Variants in TBC1D22A observed in about 807,000 individuals in gnomAD.
The protein encoded by TBC1D22A is putative GTPase activator.
In TBC1D22A, 38 loss-of-function variants were observed where a neutral mutation model predicts 60.2. The ratio of observed to expected loss-of-function variants is 0.63; its 90% confidence interval spans 0.49 to 0.83. The LOEUF is 0.83. Ranked by LOEUF, TBC1D22A falls within the 40% of genes least tolerant of loss-of-function variation. The probability of loss-of-function intolerance (pLI) is 0.00; values close to 1 mark genes in which losing one functional copy is unlikely to be tolerated. For synonymous variants in TBC1D22A, 302 were observed against 281.7 expected (o/e 1.07, Z -0.72); for missense variants, 628 against 701.0 (o/e 0.90, Z 1.18).
chr22:47,021,498 C>T (rs2062086752), intron 10 of TBC1D22A, among the ~76,000 whole-genome samples: 1 of 151,414 alleles, frequency 6.6e-6, no homozygotes, highest in African/African-American at 2.4e-5. Flanking sequence ...TCACCTGTCA[C>T]CTGTCACCTG....
chr22:47,022,563 C>A (rs8138096), intron 10 of TBC1D22A, among the ~76,000 whole-genome samples: 48,154 of 136,584 alleles, frequency 0.35, 7,883 homozygotes, highest in African/African-American at 0.52. Flanking sequence ...AAAAAAAAAA[C>A]ACCAAAACAA....
intron 8 of TBC1D22A, among the ~76,000 whole-genome samples, chr22:46,933,713 G>T (rs925679513): frequency 5.9e-5 from 9 of 152,270 alleles, no homozygotes; most frequent in African/African-American, 1.7e-4. Flanking sequence ...CACTGCCCGG[G>T]GCGGGTGTTG....
At chr22:47,044,012 C>T (rs896775637) in intron 11 of TBC1D22A, among the ~76,000 whole-genome samples, 7 of 27,934 alleles carry the variant, frequency 2.5e-4, no homozygotes, top group East Asian at 0.015. Flanking sequence ...GGCAGGGCTC[C>T]GCCTTTTACC....
chr22:46,792,672 T>G, intron 2 of TBC1D22A, 96 bp downstream of exon 2: 1 of 1,610,540 alleles, frequency 6.2e-7, no homozygotes, highest in South Asian at 1.1e-5. Flanking sequence ...TCCCAGGCAT[T>G]CCTCAGGGAG....
chr22:46,904,594 G>C, intron 7 of TBC1D22A, among the ~76,000 whole-genome samples: 1 of 151,424 alleles, frequency 6.6e-6, no homozygotes, highest in Middle Eastern at 3.2e-3. Context: ...TCAGGCTCCC[G>C]AGTAGCTGGG....
At chr22:47,088,026 T>C (rs1382518874) in intron 11 of TBC1D22A, among the ~76,000 whole-genome samples, 2 of 152,066 alleles carry the variant, frequency 1.3e-5, no homozygotes, top group Non-Finnish European at 2.9e-5. Flanking sequence ...TGAGCCAAGA[T>C]TGCGCCACTG....
intron 11 of TBC1D22A, among the ~76,000 whole-genome samples, chr22:47,094,100 G>A (rs1026526678): frequency 6.6e-6 from 1 of 152,156 alleles, no homozygotes; most frequent in Non-Finnish European, 1.5e-5. Flanking sequence ...GCTATAAGCT[G>A]GTAGTTTCAG....
intron 12 of TBC1D22A, among the ~76,000 whole-genome samples, chr22:47,170,671 T>TGTGGG (rs2068400421): frequency 6.7e-6 from 1 of 149,288 alleles, no homozygotes; most frequent in Admixed American, 6.7e-5. Flanking sequence ...ACCCTCCTGA[T>TGTGGG]GCAGGACCAG....
At chr22:47,068,474 C>T (rs751487306) in intron 11 of TBC1D22A, among the ~76,000 whole-genome samples, 3 of 152,328 alleles carry the variant, frequency 2.0e-5, no homozygotes, top group East Asian at 1.9e-4. Flanking sequence ...TTTGATGTTA[C>T]GACTTGCAGC....
At chr22:46,953,593 AC>A (rs2073032989) in intron 8 of TBC1D22A, among the ~76,000 whole-genome samples, 1 of 152,158 alleles carries the variant, frequency 6.6e-6, no homozygotes, top group Non-Finnish European at 1.5e-5. Flanking sequence ...GTCTGAAAAA[AC>A]ATTTCACTTT....
intron 11 of TBC1D22A, among the ~76,000 whole-genome samples, chr22:47,105,260 G>A (rs1385740518): frequency 1.1e-4 from 17 of 152,088 alleles, no homozygotes; most frequent in Admixed American, 9.8e-4. Flanking sequence ...ATAGGGCAGA[G>A]CCTCCTCTTT....
chr22:47,138,021 G>C (rs941788712), intron 12 of TBC1D22A, among the ~76,000 whole-genome samples: 1 of 152,144 alleles, frequency 6.6e-6, no homozygotes, highest in Non-Finnish European at 1.5e-5. Context: ...AAACACAGGT[G>C]CTCTGTGGAG....
intron 8 of TBC1D22A, among the ~76,000 whole-genome samples, chr22:46,937,417 C>T (rs2071720409): frequency 6.6e-6 from 1 of 152,180 alleles, no homozygotes; most frequent in Non-Finnish European, 1.5e-5. Context: ...GTCTTAGCAG[C>T]ATGCATTAAC....
intron 12 of TBC1D22A, among the ~76,000 whole-genome samples, chr22:47,173,160 G>A (rs577476054): frequency 5.3e-5 from 8 of 152,338 alleles, no homozygotes; most frequent in Admixed American, 2.6e-4. Context: ...CCCCTGCCAC[G>A]ACATCTCAGA....
At chr22:46,971,055 C>A (rs1016927682) in intron 8 of TBC1D22A, among the ~76,000 whole-genome samples, 1 of 152,204 alleles carries the variant, frequency 6.6e-6, no homozygotes, top group Admixed American at 6.5e-5. Flanking sequence ...CTCATTCTAA[C>A]AATAAGGGTA....
intron 4 of TBC1D22A, among the ~76,000 whole-genome samples, chr22:46,855,814 GT>G (rs1219250544): frequency 2.0e-5 from 3 of 152,164 alleles, no homozygotes; most frequent in African/African-American, 7.2e-5. Flanking sequence ...GCTTCTGTGC[GT>G]TTTATTTGAA....
chr22:46,999,980 G>A (rs1048402118), intron 10 of TBC1D22A, among the ~76,000 whole-genome samples: 5 of 152,168 alleles, frequency 3.3e-5, no homozygotes, highest in Admixed American at 2.6e-4. Context: ...AGCCGAGATC[G>A]TGCCACTGCA....
Position 47,085,500 on chromosome 22 carries a change from G to A in TBC1D22A, c.1330-26008G>A, listed in dbSNP as rs889876432. Reference sequence around the variant, plus strand: ...TTAGCATTTATTATTAGGCATGGAAGGATTAGAAGTAAAATGCTGGGCAGA... The same window carrying A: ...TTAGCATTTATTATTAGGCATGGAAAGATTAGAAGTAAAATGCTGGGCAGA... On this transcript the variant is annotated intron_variant, in intron 11 of 12. Coordinates refer to ENST00000337137, the MANE Select transcript of TBC1D22A (RefSeq NM_014346.5). 1.2e-4 allele frequency among the ~76,000 whole-genome samples: 18 copies of A among 152,194 alleles called. No homozygotes were observed. The South Asian group carries it at 2.3e-3, about 19-fold the overall frequency.
intron 4 of TBC1D22A, among the ~76,000 whole-genome samples, chr22:46,862,990 G>T (rs2066889114): frequency 6.6e-6 from 1 of 152,194 alleles, no homozygotes; most frequent in Admixed American, 6.5e-5. Context: ...GAAGCATCTT[G>T]TCCAGATTTC....
Sources: gnomAD v4.1 joint callset for allele counts (sites outside exome capture counted in the v4.1 genomes callset) on GRCh38, gnomAD v4.1.1 for gene constraint, MANE v1.5 for transcripts, NCBI Gene and HGNC (gene_info 2026-07-23, HGNC 2026-07-21) for gene names.